The following HPS3 variants were observed in gnomAD, a reference collection of about 807,000 sequenced individuals.
HPS3 encodes HPS3 biogenesis of lysosomal organelles complex 2 subunit 1.
Under a neutral mutation model 110.9 loss-of-function variants are expected in HPS3, and 79 were observed. That is an observed-to-expected ratio of 0.71 (90% CI 0.59 to 0.86). The LOEUF is 0.86. Ranked by LOEUF, HPS3 falls within the 40% of genes least tolerant of loss-of-function variation. The pLI is 0.00. For missense variants in HPS3, 1,197 were observed against 1,206.2 expected (o/e 0.99, Z 0.11); for synonymous variants, 428 against 451.0 (o/e 0.95, Z 0.65).
At chr3:149,136,163 T>A (rs1722077995) in intron 1 of HPS3, among the ~76,000 whole-genome samples, 1 of 150,312 alleles carries the variant, frequency 6.7e-6, no homozygotes, top group Admixed American at 6.7e-5. Flanking sequence ...CATATGTGTG[T>A]GTGTATATAT....
At chr3:149,139,009 C>G (rs990943389) in intron 1 of HPS3, among the ~76,000 whole-genome samples, 3 of 152,158 alleles carry the variant, frequency 2.0e-5, no homozygotes, top group Non-Finnish European at 2.9e-5. Context: ...ACATATCTCA[C>G]TTTTGGGAAT....
At chr3:149,170,301 GTTTT>G (rs571758095) in intron 16 of HPS3, among the ~76,000 whole-genome samples, 1 of 152,126 alleles carries the variant, frequency 6.6e-6, no homozygotes, top group African/African-American at 2.4e-5. Flanking sequence ...CTCCAACTCA[GTTTT>G]TTTGTTTCTG....
intron 1 of HPS3, among the ~76,000 whole-genome samples, chr3:149,138,723 GAAC>G (rs1722267947): frequency 6.6e-6 from 1 of 152,118 alleles, no homozygotes; most frequent in Admixed American, 6.6e-5. Flanking sequence ...AAAAACAAAT[GAAC>G]AACTTAATAA....
In HPS3 at chr3:149,151,587, T is replaced by TAAAAAAAAAA. The variant is rs1167453087; in HGVS notation, c.1245+927_1245+936dup. 1.5e-3 allele frequency among the ~76,000 whole-genome samples: 60 copies of TAAAAAAAAAA among 40,338 alleles called. 4 individuals carry two copies. The highest frequency in any genetic ancestry group is 3.6e-3 in the South Asian group (3 of 822). The allele number at this position is 40,338 out of a possible 152,430, so 26.5% of individuals were successfully genotyped here. On this transcript the variant is annotated intron_variant, in intron 6 of 16. Transcript: ENST00000296051. Reference sequence around the variant, plus strand: ...AGTGAGAAGTAAAGTGCTTGGTTTCTAAAAAAAAAAAAAAAAAAAAAAAAA... The same window carrying TAAAAAAAAAA: ...AGTGAGAAGTAAAGTGCTTGGTTTCTAAAAAAAAAAAAAAAAAAAAAAAAAAAAAAAAAAA...
chr3:149,168,532 A>G (rs940474274), intron 16 of HPS3: 2 of 156,284 alleles, frequency 1.3e-5, no homozygotes, highest in African/African-American at 2.4e-5. Context: ...TGTTTTCCCA[A>G]TGACAAAGGG....
At chr3:149,141,410 T>C (rs1722445721) in intron 4 of HPS3, 30 bp downstream of exon 4, 2 of 1,545,266 alleles carry the variant, frequency 1.3e-6, no homozygotes, top group South Asian at 1.1e-5. Context: ...AGTGCGACAG[T>C]GCAGCAAGGT....
At chr3:149,151,587 T>TAAAAAA (rs1167453087) in intron 6 of HPS3, among the ~76,000 whole-genome samples, 966 of 40,322 alleles carry the variant, frequency 0.024, 88 homozygotes, top group African/African-American at 0.037. Flanking sequence ...GCTTGGTTTC[T>TAAAAAA]AAAAAAAAAA....
intron 4 of HPS3, among the ~76,000 whole-genome samples, chr3:149,141,728 G>A (rs2108131794): frequency 6.6e-6 from 1 of 150,968 alleles, no homozygotes; most frequent in East Asian, 2.0e-4. Flanking sequence ...GCAGAGACGG[G>A]GTTTCACCAT....
chr3:149,145,293 A>G, intron 4 of HPS3, 61 bp from the exon 5 acceptor site: 1 of 1,298,708 alleles, frequency 7.7e-7, no homozygotes, highest in East Asian at 2.3e-5. Flanking sequence ...TCAATATATG[A>G]TTATTTCCCC....
intron 7 of HPS3, 88 bp from the exon 8 acceptor site, chr3:149,155,019 A>G (rs1472536114): frequency 6.5e-6 from 5 of 768,376 alleles, no homozygotes; most frequent in Admixed American, 3.6e-5. Context: ...ATGATTTTAT[A>G]GTTATTTTAT....
At chr3:149,151,422 A>G (rs76876726) in intron 6 of HPS3, among the ~76,000 whole-genome samples, 3,353 of 151,920 alleles carry the variant, frequency 0.022, 74 homozygotes, top group African/African-American at 0.059. Context: ...TAAGAGCACA[A>G]AATTGAATAC....
At position 149,172,272 on chromosome 3, in the gene HPS3, A is replaced by T. The variant is rs1407893675; in HGVS notation, c.*50A>T. 6.5e-7 allele frequency: 1 copy of T among 1,542,906 alleles called. No individual in the cohort carries two copies. Among genetic ancestry groups the T allele is most frequent in the Non-Finnish European group, 8.9e-7 (1 of 1,122,536 alleles). The stretch of plus-strand genomic sequence containing the variant: ...ATGGCATTTGAGACTGAATTTCTAA[A>T]AATTGAATGCCAAAGTACAAGTAGA... On this transcript the variant is annotated 3_prime_UTR_variant, in exon 17 of 17. Transcript: ENST00000296051.
chr3:149,140,495 G>A lies in HPS3; in HGVS notation c.709G>A (p.Glu237Lys), dbSNP rs1722377443. The A allele has an allele frequency of 6.2e-7, 1 of 1,614,094 alleles. No homozygotes were observed. ...CAACAATCGAATAAGACGGACAGAA[G>A]AAGGTAAATAATGAATTTGACTTGC... Reference protein sequence around the residue: ...KTNNRIRRTEEGISNEISQLE... With the variant: ...KTNNRIRRTEKGISNEISQLE... The change falls in exon 2 of 17, where the codon GAA becomes AAA. Residue 237 changes from glutamate (E) to lysine (K), a missense_variant. Physicochemically the swap from Glu to Lys is moderately conservative, Grantham distance 56. Coordinates refer to ENST00000296051, the MANE Select transcript of HPS3 (RefSeq NM_032383.5).
intron 8 of HPS3, 37 bp from the exon 9 acceptor site, chr3:149,157,313 C>T: frequency 6.4e-7 from 1 of 1,570,100 alleles, no homozygotes; most frequent in Non-Finnish European, 8.8e-7. Context: ...TTGAGAGTCT[C>T]TCTTCAGCAA....
intron 1 of HPS3, among the ~76,000 whole-genome samples, chr3:149,137,390 C>T (rs2108124106): frequency 6.6e-6 from 1 of 152,182 alleles, no homozygotes; most frequent in East Asian, 1.9e-4. Context: ...TAAAATAACA[C>T]AGCCTATGTG....
intron 8 of HPS3, among the ~76,000 whole-genome samples, chr3:149,155,640 T>C (rs1401458638): frequency 6.6e-6 from 1 of 152,184 alleles, no homozygotes; most frequent in Non-Finnish European, 1.5e-5. Context: ...TGCAGCATTG[T>C]CCTGGGGGGA....
At chr3:149,168,176 C>T (rs1724621620) in intron 16 of HPS3, 193 bp downstream of exon 16, 1 of 571,950 alleles carries the variant, frequency 1.7e-6, no homozygotes, top group South Asian at 2.1e-5. Context: ...AGTCACAGAA[C>T]TGATGTTCTT....
intron 1 of HPS3, among the ~76,000 whole-genome samples, chr3:149,134,490 G>GTAT (rs1316872311): frequency 6.6e-6 from 1 of 152,186 alleles, no homozygotes; most frequent in Non-Finnish European, 1.5e-5. Context: ...GGAGTGGCAG[G>GTAT]TATTATGTAA....
In HPS3 at chr3:149,141,341, A is replaced by G. The variant is rs371430031; in HGVS notation, c.931A>G (p.Lys311Glu). Residue 311 changes from lysine to glutamate, a missense_variant, in exon 4 of 17, where the codon AAG becomes GAG. Physicochemically the swap from Lys to Glu is moderately conservative, Grantham distance 56. Coordinates refer to ENST00000296051, the MANE Select transcript of HPS3 (RefSeq NM_032383.5). ...GTCCTATGTCTTGTCTGATGACATC[A>G]AGCTACATTCCCTCCAGCTGCTACC... ...ISSYVLSDDIKLHSLQLLPIY... is the reference protein window; with the variant it reads ...ISSYVLSDDIELHSLQLLPIY... 1.2e-6 allele frequency: 2 copies of G among 1,613,742 alleles called. No homozygotes were observed. Among genetic ancestry groups the G allele is most frequent in the Admixed American group, 1.7e-5 (1 of 59,986 alleles).
Sources: allele counts gnomAD v4.1 joint callset (sites outside exome capture counted in the v4.1 genomes callset), GRCh38; gene constraint gnomAD v4.1.1; transcripts MANE v1.5; gene names NCBI Gene and HGNC (gene_info 2026-07-23, HGNC 2026-07-21).